PPHLN1: variants seen among roughly 807,000 people sequenced by gnomAD.
PPHLN1 encodes the protein periphilin 1.
A neutral mutation model predicts 51.3 loss-of-function variants in PPHLN1; 29 were observed. The observed-to-expected ratio is 0.57, with a 90% CI of 0.42 to 0.77. The LOEUF (loss-of-function observed/expected upper bound fraction) is 0.77, where lower values mean the gene tolerates loss of function less well. PPHLN1 is among the 30% of genes least tolerant of loss of function. The pLI is 0.00. For missense variants in PPHLN1, 436 were observed against 438.4 expected, an observed-to-expected ratio of 0.99 and a Z score of 0.05; for synonymous variants, 147 against 147.8, an observed-to-expected ratio of 0.99 and a Z score of 0.04.
chr12:42,344,930 G>T (rs1348095448), intron 2 of PPHLN1, among the ~76,000 whole-genome samples: 1 of 151,874 alleles, frequency 6.6e-6, no homozygotes, highest in Non-Finnish European at 1.5e-5. Flanking sequence ...GGCTGGTCTC[G>T]AATTCCTGGC....
At chr12:42,420,029 A>T (rs1214677835) in intron 9 of PPHLN1, among the ~76,000 whole-genome samples, 1 of 152,200 alleles carries the variant, frequency 6.6e-6, no homozygotes, top group Non-Finnish European at 1.5e-5. Context: ...GTTCCAATTT[A>T]ATTAACATGA....
intron 1 of PPHLN1, among the ~76,000 whole-genome samples, chr12:42,333,639 C>T (rs1009374679): frequency 5.9e-5 from 9 of 152,000 alleles, no homozygotes; most frequent in African/African-American, 1.4e-4. Flanking sequence ...CCCGCCACCA[C>T]GCCCAGCTAA....
At chr12:42,448,010 G>T (rs2083378231), downstream of PPHLN1, 1 of 152,080 alleles carries the variant, frequency 6.6e-6, no homozygotes, top group Non-Finnish European at 1.5e-5. Flanking sequence ...GATTTTATTT[G>T]TTACCCACCT....
intron 2 of PPHLN1, among the ~76,000 whole-genome samples, chr12:42,339,868 G>C (rs78511362): frequency 9.7e-6 from 1 of 102,668 alleles, no homozygotes; most frequent in Non-Finnish European, 2.2e-5. Flanking sequence ...AGATACATCT[G>C]CTGTTGTTAT....
chr12:42,399,413 C>T, intron 9 of PPHLN1: 1 of 918,866 alleles, frequency 1.1e-6, no homozygotes, highest in Non-Finnish European at 1.3e-6. Flanking sequence ...ATAAAGGATA[C>T]TATTTAAGTC....
intron 9 of PPHLN1, among the ~76,000 whole-genome samples, chr12:42,424,788 T>C (rs1235692818): frequency 1.3e-5 from 2 of 152,310 alleles, no homozygotes; most frequent in South Asian, 2.1e-4. Context: ...CAAAGACTTA[T>C]TTTTCTTGGG....
chr12:42,386,729 A>G (rs767220207), intron 6 of PPHLN1, among the ~76,000 whole-genome samples: 2 of 152,238 alleles, frequency 1.3e-5, no homozygotes, highest in Admixed American at 6.5e-5. Context: ...ATTAATTTTT[A>G]AGAGTATATT....
intron 1 of PPHLN1, among the ~76,000 whole-genome samples, chr12:42,331,481 A>C (rs4278568): frequency 0.96 from 146,870 of 152,310 alleles, 71,057 homozygotes; most frequent in Middle Eastern, 1. Flanking sequence ...GTCCTCCATA[A>C]TCTCTCAGCC....
intron 9 of PPHLN1, among the ~76,000 whole-genome samples, chr12:42,422,138 C>G (rs903188783): frequency 1.3e-5 from 2 of 152,074 alleles, no homozygotes; most frequent in Non-Finnish European, 2.9e-5. Context: ...AAAAATACTA[C>G]AATAATTTAG....
At chr12:42,355,274 A>G in intron 4 of PPHLN1, 52 bp downstream of exon 4, 3 of 1,473,742 alleles carry the variant, frequency 2.0e-6, no homozygotes, top group Non-Finnish European at 2.8e-6. Context: ...ACTCACTGTG[A>G]TGTCTGCTTT....
chr12:42,427,620 A>C (rs994575096), intron 9 of PPHLN1, among the ~76,000 whole-genome samples: 3 of 152,242 alleles, frequency 2.0e-5, no homozygotes, highest in African/African-American at 7.2e-5. Context: ...TGGATTAAGG[A>C]CTTACTTACA....
intron 4 of PPHLN1, among the ~76,000 whole-genome samples, chr12:42,363,236 G>T (rs2074899219): frequency 6.6e-6 from 1 of 152,068 alleles, no homozygotes; most frequent in Non-Finnish European, 1.5e-5. Flanking sequence ...TCATCACTGT[G>T]TTTGTTCACA....
At position 42,383,359 on chromosome 12, in the gene PPHLN1, G is replaced by A. The variant is rs145585628; in HGVS notation, c.512-1581G>A. 4.6e-5 allele frequency among the ~76,000 whole-genome samples: 7 copies of A among 152,150 alleles called. No individual in the cohort carries two copies. The East Asian group carries it at 9.6e-4, about 21-fold the overall frequency. On this transcript the variant is annotated intron_variant, in intron 5 of 9. Transcript: ENST00000358314. ...CACTCTCAGGAGCTAATATGAATTG[G>A]CCTAAGGCTCCAGTAGCTTTCTCTG... is the stretch of plus-strand genomic sequence containing the variant.
chr12:42,401,424 G>C (rs894505002), intron 9 of PPHLN1, among the ~76,000 whole-genome samples: 2 of 151,512 alleles, frequency 1.3e-5, no homozygotes, highest in Non-Finnish European at 2.9e-5. Context: ...CTATAAGCAG[G>C]GGTCCCCAAC....
chr12:42,377,488 GAGACAGGGT>G (rs2076374358), intron 5 of PPHLN1, among the ~76,000 whole-genome samples: 1 of 151,744 alleles, frequency 6.6e-6, no homozygotes, highest in African/African-American at 2.4e-5. Flanking sequence ...TATTTTAGTA[GAGACAGGGT>G]TGCACCATGT....
At chr12:42,431,277 T>C (rs2082013947) in intron 9 of PPHLN1, among the ~76,000 whole-genome samples, 1 of 152,222 alleles carries the variant, frequency 6.6e-6, no homozygotes, top group Admixed American at 6.5e-5. Context: ...TATTCTAGTT[T>C]TCCTCAGATG....
chr12:42,396,644 A>C, intron 8 of PPHLN1, among the ~76,000 whole-genome samples: 1 of 125,736 alleles, frequency 8.0e-6, no homozygotes, highest in East Asian at 2.4e-4. Flanking sequence ...AAAAAAAAAA[A>C]AAAAGCTGGG....
At chr12:42,412,514 T>G (rs1002424940) in intron 9 of PPHLN1, among the ~76,000 whole-genome samples, 1 of 152,166 alleles carries the variant, frequency 6.6e-6, no homozygotes, top group Non-Finnish European at 1.5e-5. Context: ...TGGTTCTATA[T>G]CTTTGCAATT....
intron 8 of PPHLN1, among the ~76,000 whole-genome samples, chr12:42,396,035 C>T (rs2078169607): frequency 1.3e-5 from 2 of 151,870 alleles, no homozygotes; most frequent in Admixed American, 1.3e-4. Context: ...CAGCATTTCC[C>T]AAGGTATTTG....
Sources: gnomAD v4.1 joint callset for allele counts (sites outside exome capture counted in the v4.1 genomes callset) on GRCh38, gnomAD v4.1.1 for gene constraint, MANE v1.5 for transcripts, NCBI Gene and HGNC (gene_info 2026-07-23, HGNC 2026-07-21) for gene names.